KIAA0232: variants seen among roughly 807,000 people sequenced by gnomAD.
KIAA0232 encodes the protein uncharacterized protein KIAA0232.
A neutral mutation model predicts 122.0 loss-of-function variants in KIAA0232; 27 were observed. The ratio of observed to expected loss-of-function variants is 0.22; its 90% confidence interval spans 0.16 to 0.31. The LOEUF is 0.31. Ranked by LOEUF, KIAA0232 falls within the 10% of genes least tolerant of loss-of-function variation. The pLI, the probability that KIAA0232 is intolerant of heterozygous loss-of-function variation, is 1.00. For missense variants in KIAA0232, 1,551 were observed against 1,634.2 expected, an observed-to-expected ratio of 0.95 and a Z score of 0.88; for synonymous variants, 613 against 587.6, an observed-to-expected ratio of 1.04 and a Z score of -0.63.
rs542885343 is a variant in KIAA0232 at position 6,878,515 on chromosome 4, C to T, written c.4008+1758C>T. On this transcript the variant is annotated intron_variant, in intron 9 of 9. Transcript: ENST00000307659. ...TATACATGCACAAACGTGTTTTTAA[C>T]GAAGGAGGAAATACTCCTCAAGACA... 2.6e-5 allele frequency among the ~76,000 whole-genome samples: 4 copies of T among 152,228 alleles called. No individual in the cohort carries two copies. The East Asian group carries it at 7.7e-4, about 29-fold the overall frequency.
At chr4:6,787,244 G>A (rs1239396285) in intron 1 of KIAA0232, among the ~76,000 whole-genome samples, 3 of 150,054 alleles carry the variant, frequency 2.0e-5, no homozygotes, top group African/African-American at 7.4e-5. Flanking sequence ...GAGATTACAT[G>A]CTTTTTCTTT....
At chr4:6,871,518 C>T in intron 7 of KIAA0232, 56 bp from the exon 8 acceptor site, 2 of 983,916 alleles carry the variant, frequency 2.0e-6, no homozygotes, top group Non-Finnish European at 3.2e-6. Context: ...CTTGAATATT[C>T]TTCCTCTAAC....
chr4:6,846,387 G>C (rs181775471), intron 4 of KIAA0232, among the ~76,000 whole-genome samples: 7 of 152,142 alleles, frequency 4.6e-5, no homozygotes, highest in Admixed American at 3.9e-4. Flanking sequence ...GGTGAACAGC[G>C]AGCAAGCTTT....
chr4:6,820,146 G>T (rs116650266), intron 2 of KIAA0232, among the ~76,000 whole-genome samples: 1 of 151,962 alleles, frequency 6.6e-6, no homozygotes, highest in East Asian at 1.9e-4. Context: ...TAACTGTTGG[G>T]TACTGTACTC....
chr4:6,792,546 T>G (rs1716942680), intron 1 of KIAA0232, among the ~76,000 whole-genome samples: 1 of 152,158 alleles, frequency 6.6e-6, no homozygotes, highest in African/African-American at 2.4e-5. Context: ...AAGCACAGAT[T>G]TTTTATATTG....
At position 6,811,535 on chromosome 4, in the gene KIAA0232, C is replaced by T. The variant is rs140330485; in HGVS notation, c.-270+6929C>T. Among the ~76,000 whole-genome samples the T allele has an allele frequency of 9.3e-3, 1,414 of 152,226 alleles. 59 individuals carry two copies. Among genetic ancestry groups the T allele is most frequent in the Admixed American group, 0.079 (1,206 of 15,282 alleles). ...TTGGCTCACTGCAGCCTCTGCCTCC[C>T]GAGCTCCAGTGATCCTCCCATCTCA... On this transcript the variant is annotated intron_variant, in intron 2 of 9. Coordinates refer to ENST00000307659, the MANE Select transcript of KIAA0232 (RefSeq NM_014743.3).
intron 2 of KIAA0232, among the ~76,000 whole-genome samples, chr4:6,818,564 C>T (rs180936010): frequency 6.2e-4 from 94 of 152,030 alleles, no homozygotes; most frequent in African/African-American, 2.1e-3. Context: ...ACGATAAAAT[C>T]ATGGATAACA....
intron 3 of KIAA0232, among the ~76,000 whole-genome samples, chr4:6,830,733 C>T (rs903147542): frequency 6.6e-5 from 10 of 151,970 alleles, no homozygotes; most frequent in African/African-American, 2.4e-4. Context: ...AAGCTTCACC[C>T]CTACCCTGCC....
In KIAA0232 at chr4:6,881,602, G is replaced by A. The variant is rs1333720320; in HGVS notation, c.*636G>A. The stretch of plus-strand genomic sequence containing the variant: ...CTAAAGTATCACGGAAGATACTATG[G>A]TTCGTGACTTTCTTGCTAACTGAAG... On this transcript the variant is annotated 3_prime_UTR_variant, in exon 10 of 10. Transcript: ENST00000307659. 1 of 152,632 alleles carries A rather than the reference G, an allele frequency of 6.6e-6. No individual in the cohort carries two copies. The highest frequency in any genetic ancestry group is 1.5e-5 in the Non-Finnish European group (1 of 68,064). The allele number at this position is 152,632 out of a possible 1,614,324, so 9.5% of individuals were successfully genotyped here.
chr4:6,877,591 C>T (rs1721824835), intron 9 of KIAA0232, among the ~76,000 whole-genome samples: 1 of 152,072 alleles, frequency 6.6e-6, no homozygotes, highest in African/African-American at 2.4e-5. Flanking sequence ...AGTCCCAGTC[C>T]CAAAACTGAA....
intron 5 of KIAA0232, among the ~76,000 whole-genome samples, chr4:6,858,210 C>G (rs1394663143): frequency 6.6e-6 from 1 of 152,158 alleles, no homozygotes; most frequent in African/African-American, 2.4e-5. Flanking sequence ...ATGAACAACT[C>G]TCACCTCTTG....
chr4:6,831,659 G>C (rs1254067262), intron 3 of KIAA0232, among the ~76,000 whole-genome samples: 1 of 152,164 alleles, frequency 6.6e-6, no homozygotes, highest in Non-Finnish European at 1.5e-5. Context: ...GCCACACACA[G>C]AAATGGAAGA....
At position 6,862,566 on chromosome 4, in the gene KIAA0232, T is replaced by C; in HGVS notation, c.2184T>C (p.Asn728=). The change falls in exon 7 of 10, where the codon AAT becomes AAC. Residue 728 remains asparagine, a synonymous_variant. Coordinates refer to ENST00000307659, the MANE Select transcript of KIAA0232 (RefSeq NM_014743.3). The part of the protein sequence containing the change: ...EETRSDNETL[N]IQFEESTQFN... Reference sequence around the variant, plus strand: ...CACGTTCAGACAATGAAACATTAAATATTCAGTTTGAAGAATCCACACAGT... The same window carrying C: ...CACGTTCAGACAATGAAACATTAAACATTCAGTTTGAAGAATCCACACAGT... The C allele has an allele frequency of 1.2e-6, 2 of 1,613,726 alleles. No homozygotes were observed. The highest frequency in any genetic ancestry group is 1.7e-6 in the Non-Finnish European group (2 of 1,179,860).
At chr4:6,824,955 G>A (rs1718603243) in intron 3 of KIAA0232, among the ~76,000 whole-genome samples, 1 of 152,208 alleles carries the variant, frequency 6.6e-6, no homozygotes, top group Non-Finnish European at 1.5e-5. Context: ...TCATGGACTG[G>A]TCATAGTTTG....
chr4:6,788,325 C>G (rs1716727569), intron 1 of KIAA0232, among the ~76,000 whole-genome samples: 1 of 152,166 alleles, frequency 6.6e-6, no homozygotes, highest in African/African-American at 2.4e-5. Flanking sequence ...GCCTGCATCT[C>G]TTCTTGTCAC....
chr4:6,795,598 A>G (rs1338877065), intron 1 of KIAA0232, among the ~76,000 whole-genome samples: 1 of 152,112 alleles, frequency 6.6e-6, no homozygotes, highest in Non-Finnish European at 1.5e-5. Flanking sequence ...CTAGAAATAT[A>G]TTTATTTATT....
chr4:6,851,629 A>C (rs1031619893), intron 4 of KIAA0232, among the ~76,000 whole-genome samples: 39 of 151,434 alleles, frequency 2.6e-4, no homozygotes, highest in African/African-American at 9.2e-4. Flanking sequence ...GGTGGGAGCA[A>C]CACGTGAGTC....
intron 8 of KIAA0232, among the ~76,000 whole-genome samples, chr4:6,872,133 A>C (rs545750220): frequency 3.3e-5 from 5 of 152,206 alleles, no homozygotes; most frequent in Non-Finnish European, 7.3e-5. Flanking sequence ...GTAGCGTCTG[A>C]CATGCAGGAA....
chr4:6,869,396 C>T (rs146338422), intron 7 of KIAA0232, among the ~76,000 whole-genome samples: 14 of 152,312 alleles, frequency 9.2e-5, no homozygotes, highest in African/African-American at 3.4e-4. Context: ...CTTCCTTGCT[C>T]CCCCTGAGTA....
Sources: allele counts gnomAD v4.1 joint callset (sites outside exome capture counted in the v4.1 genomes callset), GRCh38; gene constraint gnomAD v4.1.1; transcripts MANE v1.5; gene names NCBI Gene and HGNC (gene_info 2026-07-23, HGNC 2026-07-21).